The following MRTFA variants were observed in gnomAD, a reference collection of about 807,000 sequenced individuals.
The protein encoded by MRTFA is myocardin related transcription factor A.
Under a neutral mutation model 83.5 loss-of-function variants are expected in MRTFA, and 20 were observed. The observed-to-expected ratio is 0.24, with a 90% CI of 0.17 to 0.35. The LOEUF is 0.35. Ranked by LOEUF, MRTFA falls within the 10% of genes least tolerant of loss-of-function variation. The pLI, the probability that MRTFA is intolerant of heterozygous loss-of-function variation, is 1.00. For synonymous variants in MRTFA, 659 were observed against 541.2 expected (o/e 1.22, Z -3.02); for missense variants, 1,200 against 1,224.7 (o/e 0.98, Z 0.30).
In MRTFA at chr22:40,422,066, CAGA is replaced by C. The variant is rs764718280; in HGVS notation, c.928-969_928-967del. Among the ~76,000 whole-genome samples, 7 of 152,184 alleles carry C rather than the reference CAGA, an allele frequency of 4.6e-5. No individual in the cohort carries two copies. In the East Asian group the frequency reaches 9.7e-4, roughly 21 times the overall value. ...CGGGGCTGTGGGGCCAGGATTGCCC[CAGA>C]AGAAGGGAACAGAGCCACAGAGAGC... On this transcript the variant is annotated intron_variant, in intron 9 of 14. Coordinates refer to ENST00000355630, the MANE Select transcript of MRTFA (RefSeq NM_020831.6).
rs190629883 is a variant in MRTFA at position 40,430,553 on chromosome 22, T to C, written c.440-786A>G. On this transcript the variant is annotated intron_variant, in intron 6 of 14. Coordinates refer to ENST00000355630, the MANE Select transcript of MRTFA (RefSeq NM_020831.6). ...GCTGCTTCCAGGAGCCAAAACCTTT[T>C]CTTCACTAAAAATGTGGAAAGACAG... Among the ~76,000 whole-genome samples, 266 of 151,454 alleles carry C rather than the reference T, an allele frequency of 1.8e-3. 1 individual carries two copies. The Middle Eastern group carries it at 0.02, about 12-fold the overall frequency.
chr22:40,507,294 G>A (rs2054595732), intron 3 of MRTFA, among the ~76,000 whole-genome samples: 1 of 152,064 alleles, frequency 6.6e-6, no homozygotes, highest in Admixed American at 6.6e-5. Context: ...CTGAGAGTTC[G>A]AGGCTGCAGT....
intron 2 of MRTFA, among the ~76,000 whole-genome samples, chr22:40,561,202 GTGTGTGTGTC>G (rs1452418666): frequency 2.9e-5 from 4 of 137,130 alleles, no homozygotes; most frequent in African/African-American, 1.1e-4. Context: ...ATCTCTGTGT[GTGTGTGTGTC>G]TGTGTGTGTG....
chr22:40,519,367 T>C, intron 3 of MRTFA: 1 of 1,248,642 alleles, frequency 8.0e-7, no homozygotes, highest in South Asian at 1.3e-5. Context: ...TTCTCAAACC[T>C]TGGAGGGTTT....
chr22:40,463,274 T>C lies in MRTFA; in HGVS notation c.254A>G (p.Lys85Arg). The change falls in exon 4 of 15, where the codon AAA becomes AGA. Residue 85 changes from lysine (K) to arginine (R), a missense_variant. Coordinates refer to ENST00000355630, the MANE Select transcript of MRTFA (RefSeq NM_020831.6). ...TTCCCGGGTCCGGCGCTGCTGGAGT[T>C]TCAACTGTAGCACTGCAGGGCAGCA... 1 of 1,614,030 alleles carries C rather than the reference T, an allele frequency of 6.2e-7. No individual in the cohort carries two copies. The highest frequency in any genetic ancestry group is 8.5e-7 in the Non-Finnish European group (1 of 1,179,960).
intron 1 of MRTFA, among the ~76,000 whole-genome samples, chr22:40,613,932 G>A (rs932539618): frequency 2.6e-5 from 4 of 151,988 alleles, no homozygotes; most frequent in African/African-American, 9.7e-5. Context: ...GGGCGTGGTG[G>A]CTCATGCCTG....
chr22:40,502,390 G>C (rs1476179414), intron 3 of MRTFA, among the ~76,000 whole-genome samples: 1 of 120,204 alleles, frequency 8.3e-6, no homozygotes, highest in African/African-American at 3.3e-5. Flanking sequence ...ACGGGGTCTC[G>C]GCCGGGCAGA....
chr22:40,517,668 G>T (rs1261589335), intron 3 of MRTFA, among the ~76,000 whole-genome samples: 1 of 152,128 alleles, frequency 6.6e-6, no homozygotes, highest in Non-Finnish European at 1.5e-5. Context: ...TGGCACCGAG[G>T]TCCTAAAATT....
At chr22:40,464,728 A>G (rs1005673574) in intron 3 of MRTFA, among the ~76,000 whole-genome samples, 6 of 152,156 alleles carry the variant, frequency 3.9e-5, no homozygotes, top group African/African-American at 1.4e-4. Context: ...TCGCAGAACC[A>G]TAACCATGCG....
chr22:40,488,962 T>G (rs933473170), intron 3 of MRTFA, among the ~76,000 whole-genome samples: 1 of 152,186 alleles, frequency 6.6e-6, no homozygotes, highest in Non-Finnish European at 1.5e-5. Context: ...AGATCTTTCA[T>G]AGATCTAACA....
At chr22:40,413,045 G>A (rs2052593442) in intron 14 of MRTFA, among the ~76,000 whole-genome samples, 2 of 146,764 alleles carry the variant, frequency 1.4e-5, no homozygotes, top group East Asian at 2.1e-4. Flanking sequence ...GCTGAGGTAG[G>A]AGAATGGCTT....
At chr22:40,631,316 A>C (rs1010770775) in intron 1 of MRTFA, among the ~76,000 whole-genome samples, 1 of 152,174 alleles carries the variant, frequency 6.6e-6, no homozygotes, top group Non-Finnish European at 1.5e-5. Flanking sequence ...CCCAAAACCA[A>C]TGATGATCAT....
In MRTFA at chr22:40,459,782, T is replaced by TATATAC. The variant is rs1261144482; in HGVS notation, c.307+3438_307+3439insGTATAT. On this transcript the variant is annotated intron_variant, in intron 4 of 14. Coordinates refer to ENST00000355630, the MANE Select transcript of MRTFA (RefSeq NM_020831.6). ...CACTGGGGACGGGACTGATAAAATA[T>TATATAC]ACACACACACACACACACACACACA... 2.2e-4 allele frequency among the ~76,000 whole-genome samples: 20 copies of TATATAC among 88,936 alleles called. No homozygotes were observed. In the East Asian group the frequency reaches 4.8e-3, roughly 21 times the overall value. The allele number at this position is 88,936 out of a possible 152,430, so 58.3% of individuals were successfully genotyped here.
In MRTFA at chr22:40,435,490, G is replaced by C; in HGVS notation, c.363+9C>G. On this transcript the variant is annotated intron_variant, in intron 5 of 14. Transcript: ENST00000355630. ...TTGGGAGTTCTGAGGGGGAAAAAAGGTACCTTACCCTGGCCCGCTCCAAGC... is the reference window on the plus strand; with the variant it reads ...TTGGGAGTTCTGAGGGGGAAAAAAGCTACCTTACCCTGGCCCGCTCCAAGC... 1 of 1,614,086 alleles carries C rather than the reference G, an allele frequency of 6.2e-7. No individual in the cohort carries two copies.
At chr22:40,528,387 G>T (rs1233322291) in intron 3 of MRTFA, among the ~76,000 whole-genome samples, 1 of 152,150 alleles carries the variant, frequency 6.6e-6, no homozygotes, top group East Asian at 1.9e-4. Context: ...TCATCTTAAA[G>T]TGGAGGGCAA....
At chr22:40,573,390 G>A (rs1431966041) in intron 2 of MRTFA, among the ~76,000 whole-genome samples, 1 of 152,032 alleles carries the variant, frequency 6.6e-6, no homozygotes, top group African/African-American at 2.4e-5. Context: ...AAGTAGCTGG[G>A]ACTACAGGTA....
At chr22:40,593,264 C>G (rs2056146776) in intron 2 of MRTFA, among the ~76,000 whole-genome samples, 1 of 152,194 alleles carries the variant, frequency 6.6e-6, no homozygotes, top group South Asian at 2.1e-4. Flanking sequence ...TCTATTTCCT[C>G]TAAATGGCTA....
rs566883513 is a variant in MRTFA, at chr22:40,443,253, AAAAAAC to A, written c.308-7705_308-7700del. Among the ~76,000 whole-genome samples, 816 of 152,288 alleles carry A rather than the reference AAAAAAC, an allele frequency of 5.4e-3. 6 individuals carry two copies. The highest frequency in any genetic ancestry group is 8.6e-3 in the Non-Finnish European group (587 of 68,018). On this transcript the variant is annotated intron_variant, in intron 4 of 14. Transcript: ENST00000355630. ...AGCGACACAGCAAGACTGTCTCAAA[AAAAAAC>A]AAAAACAAAAACAAACAAAAAAAAC...
Position 40,470,231 on chromosome 22 carries a change from TTATATATATATATATATATATATA to T in MRTFA, c.242-6969_242-6946del, listed in dbSNP as rs71328709. Among the ~76,000 whole-genome samples the T allele has an allele frequency of 5.0e-3, 230 of 45,646 alleles. 11 individuals carry two copies. Among genetic ancestry groups the T allele is most frequent in the Middle Eastern group, 0.012 (1 of 82 alleles). The allele number at this position is 45,646 out of a possible 152,430, so 29.9% of individuals were successfully genotyped here. On this transcript the variant is annotated intron_variant, in intron 3 of 14. Transcript: ENST00000355630. ...ACAGCAAGACCCCATCTCCAAAATT[TTATATATATATATATATATATATA>T]TATATATATATATATATATATATAT... is the stretch of plus-strand genomic sequence containing the variant.
Sources: gnomAD v4.1 joint callset for allele counts (sites outside exome capture counted in the v4.1 genomes callset) on GRCh38, gnomAD v4.1.1 for gene constraint, MANE v1.5 for transcripts, NCBI Gene and HGNC (gene_info 2026-07-23, HGNC 2026-07-21) for gene names.